LAMA2: variants seen among roughly 807,000 people sequenced by gnomAD.
LAMA2 encodes laminin subunit alpha-2.
LAMA2 carries 269 observed loss-of-function variants against 364.8 expected under a neutral mutation model. The ratio of observed to expected loss-of-function variants is 0.74; its 90% CI spans 0.67 to 0.82. The LOEUF (loss-of-function observed/expected upper bound fraction) is 0.82, where lower values mean the gene tolerates loss of function less well. Ranked by LOEUF, LAMA2 falls within the 40% of genes least tolerant of loss-of-function variation. The pLI, the probability that LAMA2 is intolerant of heterozygous loss-of-function variation, is 0.00. For synonymous variants in LAMA2, 1,379 were observed against 1,370.6 expected (o/e 1.01, Z -0.14); for missense variants, 3,807 against 3,873.2 (o/e 0.98, Z 0.45).
chr6:129,447,134 C>T (rs749628096), intron 45 of LAMA2, among the ~76,000 whole-genome samples: 3 of 152,110 alleles, frequency 2.0e-5, no homozygotes, highest in Non-Finnish European at 2.9e-5. Flanking sequence ...TGTTACTTTC[C>T]GTAAGGTACA....
chr6:128,946,704 A>C (rs775158044), intron 1 of LAMA2, among the ~76,000 whole-genome samples: 2 of 152,222 alleles, frequency 1.3e-5, no homozygotes, highest in Admixed American at 6.5e-5. Context: ...GGATTGGATG[A>C]TAATAGAAGT....
intron 8 of LAMA2, among the ~76,000 whole-genome samples, chr6:129,163,714 G>A (rs187013646): frequency 2.6e-5 from 4 of 152,194 alleles, no homozygotes; most frequent in Non-Finnish European, 5.9e-5. Context: ...GAAAACTTTG[G>A]CCTGTAGACC....
rs1220093290 is a variant in LAMA2, at chr6:129,402,427, A to G, written c.5666A>G (p.Lys1889Arg). 4 of 1,614,044 alleles carry G rather than the reference A, an allele frequency of 2.5e-6. No individual in the cohort carries two copies. In the African/African-American group the frequency reaches 5.3e-5, roughly 22 times the overall value. Residue 1889 changes from lysine to arginine, a missense_variant, in exon 39 of 65, where the codon AAG (lysine) becomes AGG (arginine). Around this residue, in one of 3 missense-constraint regions of LAMA2, gnomAD observed 3,333 missense variants for 3,345.7 expected, o/e 1.00. Coordinates refer to ENST00000421865, the MANE Select transcript of LAMA2 (RefSeq NM_000426.4). Reference protein sequence around the residue: ...QEIKDRKLAEKVSQAESHAAQ... With the variant: ...QEIKDRKLAERVSQAESHAAQ... ...ATAAAGGACAGGAAGCTTGCTGAGAAGGTGTCCCAGGCTGAGAGCCACGCA... is the reference window on the plus strand; with the variant it reads ...ATAAAGGACAGGAAGCTTGCTGAGAGGGTGTCCCAGGCTGAGAGCCACGCA...
At chr6:129,210,070 C>G (rs1426274888) in intron 12 of LAMA2, among the ~76,000 whole-genome samples, 4 of 149,430 alleles carry the variant, frequency 2.7e-5, no homozygotes, top group African/African-American at 9.9e-5. Context: ...TCCAGAAGAT[C>G]TGGGGAAATC....
intron 48 of LAMA2, among the ~76,000 whole-genome samples, chr6:129,459,925 G>A (rs191504795): frequency 8.0e-4 from 121 of 152,182 alleles, no homozygotes; most frequent in Non-Finnish European, 1.4e-3. Flanking sequence ...AAGCTAGGAA[G>A]TGTTTATTTA....
intron 40 of LAMA2, among the ~76,000 whole-genome samples, chr6:129,426,218 C>T (rs1465677009): frequency 1.3e-5 from 2 of 152,160 alleles, no homozygotes; most frequent in African/African-American, 4.8e-5. Flanking sequence ...GTTTTCTCTT[C>T]TCTTTGCTCA....
chr6:129,233,581 C>T (rs1323900445), intron 12 of LAMA2, among the ~76,000 whole-genome samples: 1 of 152,078 alleles, frequency 6.6e-6, no homozygotes, highest in Non-Finnish European at 1.5e-5. Context: ...AGGTCTTCAT[C>T]TGCATCATCT....
At chr6:129,150,672 T>G (rs1193076218) in intron 7 of LAMA2, among the ~76,000 whole-genome samples, 1 of 152,206 alleles carries the variant, frequency 6.6e-6, no homozygotes, top group Admixed American at 6.5e-5. Context: ...TCTTTCCCTG[T>G]AGGGAAGAGG....
At chr6:129,192,909 G>T in intron 12 of LAMA2, 56 bp downstream of exon 12, 1 of 1,496,744 alleles carries the variant, frequency 6.7e-7, no homozygotes. Context: ...CGTGAGAATG[G>T]GTTTTAGTTG....
chr6:129,243,929 A>G (rs1378502840), intron 12 of LAMA2, among the ~76,000 whole-genome samples: 1 of 151,954 alleles, frequency 6.6e-6, no homozygotes, highest in Non-Finnish European at 1.5e-5. Flanking sequence ...GGTAACAGGA[A>G]AAAAAGAGGG....
intron 1 of LAMA2, among the ~76,000 whole-genome samples, chr6:129,023,298 CAACACTTT>C (rs1193499460): frequency 6.6e-6 from 1 of 152,146 alleles, no homozygotes; most frequent in Non-Finnish European, 1.5e-5. Context: ...ACTTCTAAGA[CAACACTTT>C]TTAATTCTCT....
chr6:129,415,902 G>C (rs1219104691), intron 40 of LAMA2, among the ~76,000 whole-genome samples: 1 of 151,382 alleles, frequency 6.6e-6, no homozygotes, highest in East Asian at 1.9e-4. Flanking sequence ...TGCCAACCCT[G>C]TCCAAAGGGA....
At chr6:129,219,480 T>C (rs541862130) in intron 12 of LAMA2, among the ~76,000 whole-genome samples, 2 of 151,924 alleles carry the variant, frequency 1.3e-5, no homozygotes, top group East Asian at 1.9e-4. Flanking sequence ...TTACTGGGTA[T>C]GTACCCAAAG....
At chr6:128,898,054 CT>C (rs780406859) in intron 1 of LAMA2, among the ~76,000 whole-genome samples, 48 of 152,244 alleles carry the variant, frequency 3.2e-4, no homozygotes, top group Non-Finnish European at 5.1e-4. Context: ...ATAGTAGTGC[CT>C]TTTTAAGGAT....
intron 12 of LAMA2, among the ~76,000 whole-genome samples, chr6:129,239,641 C>A (rs183625723): frequency 6.6e-6 from 1 of 151,960 alleles, no homozygotes; most frequent in African/African-American, 2.4e-5. Flanking sequence ...AAATGGATAC[C>A]CTACAAAGCA....
chr6:129,266,671 A>G (rs1019198692), intron 15 of LAMA2, among the ~76,000 whole-genome samples: 2 of 152,086 alleles, frequency 1.3e-5, no homozygotes, highest in African/African-American at 2.4e-5. Context: ...GGGCAAGTGA[A>G]CACATTCCAG....
chr6:128,951,820 T>C (rs1780839403), intron 1 of LAMA2, among the ~76,000 whole-genome samples: 1 of 152,232 alleles, frequency 6.6e-6, no homozygotes, highest in South Asian at 2.1e-4. Flanking sequence ...TTTATTTATT[T>C]ATTTTTAAAT....
Position 128,883,300 on chromosome 6 carries a change from G to A in LAMA2, c.55G>A (p.Gly19Ser). ...LLLLLSGGLG[G>S]VQAQRPQQQR... ...TCTGCTGCTCTCCGGAGGCCTCGGGGGCGTACAGGCGCAGCGGCCGCAGCA... is the reference window on the plus strand; with the variant it reads ...TCTGCTGCTCTCCGGAGGCCTCGGGAGCGTACAGGCGCAGCGGCCGCAGCA... Residue 19 changes from glycine (G) to serine (S), a missense_variant, in exon 1 of 65, where the codon GGC (glycine) becomes AGC (serine). Physicochemically the swap from Gly to Ser is moderately conservative, Grantham distance 56. Transcript: ENST00000421865. 6.3e-7 allele frequency: 1 copy of A among 1,591,582 alleles called. No individual in the cohort carries two copies. Among genetic ancestry groups the A allele is most frequent in the Non-Finnish European group, 8.6e-7 (1 of 1,169,250 alleles).
intron 43 of LAMA2, among the ~76,000 whole-genome samples, chr6:129,441,279 C>T (rs1166611159): frequency 6.6e-6 from 1 of 152,154 alleles, no homozygotes; most frequent in Non-Finnish European, 1.5e-5. Flanking sequence ...AGATGCAAAA[C>T]ACTTTTTAAT....
Sources: allele counts gnomAD v4.1 joint callset (sites outside exome capture counted in the v4.1 genomes callset), GRCh38; gene constraint gnomAD v4.1.1; regional missense constraint gnomAD v4.1.1; transcripts MANE v1.5; gene names NCBI Gene and HGNC (gene_info 2026-07-23, HGNC 2026-07-21).